The following KCNIP4 variants were observed in gnomAD, a reference collection of about 807,000 sequenced individuals.
The protein encoded by KCNIP4 is potassium voltage-gated channel interacting protein 4.
Under a neutral mutation model 34.0 loss-of-function variants are expected in KCNIP4, and 12 were observed. The observed-to-expected ratio is 0.35, with a 90% CI of 0.23 to 0.57. The LOEUF is 0.57. Among genes scored for constraint, KCNIP4 ranks in the 20% least tolerant of loss-of-function variants. The pLI is 0.83. For missense variants in KCNIP4, 238 were observed against 311.7 expected (o/e 0.76, Z 1.78); for synonymous variants, 124 against 102.2 (o/e 1.21, Z -1.29).
chr4:21,902,483 T>C (rs983261738), intron 1 of KCNIP4, among the ~76,000 whole-genome samples: 3 of 151,974 alleles, frequency 2.0e-5, no homozygotes, highest in African/African-American at 4.8e-5. Context: ...GGAGCCCTTA[T>C]GTAAGATGAG....
intron 1 of KCNIP4, among the ~76,000 whole-genome samples, chr4:21,823,779 T>C (rs944309092): frequency 6.6e-6 from 1 of 152,142 alleles, no homozygotes; most frequent in Non-Finnish European, 1.5e-5. Context: ...GAGATTCTAA[T>C]TCTAAAAACA....
chr4:21,577,279 T>G (rs1191182550), intron 1 of KCNIP4, among the ~76,000 whole-genome samples: 1 of 152,140 alleles, frequency 6.6e-6, no homozygotes, highest in South Asian at 2.1e-4. Flanking sequence ...GGCTGCAGAT[T>G]GCAAGACACC....
In KCNIP4 at chr4:20,729,924, C is replaced by T; in HGVS notation, c.*158G>A. The T allele has an allele frequency of 2.5e-6, 2 of 796,212 alleles. No homozygotes were observed. The highest frequency in any genetic ancestry group is 3.4e-5 in the South Asian group (1 of 29,630). The allele number at this position is 796,212 out of a possible 1,614,324, so 49.3% of individuals were successfully genotyped here. A position where few individuals can be genotyped will look rare whatever the true frequency, so the allele number is the denominator to read the frequency against. ...GGATGCAAATTTATAACTGAAAGCT[C>T]AAATCTTTTGGGGATTGCTTTATAT... is the stretch of plus-strand genomic sequence containing the variant. On this transcript the variant is annotated 3_prime_UTR_variant, in exon 9 of 9. Transcript: ENST00000382152.
At position 20,781,790 on chromosome 4, in the gene KCNIP4, C is replaced by T. The variant is rs527332846; in HGVS notation, c.289-22900G>A. On this transcript the variant is annotated intron_variant, in intron 3 of 8. Transcript: ENST00000382152. ...TTCAATCCCTGGCCCCTCCAAATCT[C>T]ATGTCCTCACATTTCAAAACCAATC... 1.2e-4 allele frequency among the ~76,000 whole-genome samples: 18 copies of T among 152,262 alleles called. No homozygotes were observed. The East Asian group carries it at 2.9e-3, about 25-fold the overall frequency.
intron 1 of KCNIP4, among the ~76,000 whole-genome samples, chr4:21,032,167 C>A (rs1300707588): frequency 1.3e-5 from 2 of 152,122 alleles, no homozygotes; most frequent in Non-Finnish European, 2.9e-5. Flanking sequence ...CGCTCACTCA[C>A]ATAGCTTCTC....
At chr4:21,016,303 T>C (rs1445989636) in intron 1 of KCNIP4, among the ~76,000 whole-genome samples, 2 of 148,570 alleles carry the variant, frequency 1.3e-5, no homozygotes, top group Non-Finnish European at 3.0e-5. Context: ...TTTTCTTTTT[T>C]CTTTTTTTTT....
intron 1 of KCNIP4, among the ~76,000 whole-genome samples, chr4:21,225,926 C>T (rs1758347666): frequency 6.6e-6 from 1 of 152,072 alleles, no homozygotes; most frequent in Non-Finnish European, 1.5e-5. Context: ...TATCAAGTCT[C>T]TTCCCCCTGC....
chr4:21,642,110 T>C (rs1048948106), intron 1 of KCNIP4, among the ~76,000 whole-genome samples: 1 of 152,200 alleles, frequency 6.6e-6, no homozygotes, highest in African/African-American at 2.4e-5. Context: ...TGCCCTGCCA[T>C]AGCATTCCAC....
At chr4:21,380,005 A>G (rs1199627749) in intron 1 of KCNIP4, among the ~76,000 whole-genome samples, 1 of 152,140 alleles carries the variant, frequency 6.6e-6, no homozygotes, top group African/African-American at 2.4e-5. Context: ...AGAACAGAGG[A>G]ATTTTCTTAC....
At position 21,197,227 on chromosome 4, in the gene KCNIP4, A is replaced by C. The variant is rs544644023; in HGVS notation, c.62-314518T>G. Among the ~76,000 whole-genome samples, 462 of 152,288 alleles carry C rather than the reference A, an allele frequency of 3.0e-3. 2 individuals carry two copies. The highest frequency in any genetic ancestry group is 5.0e-3 in the Non-Finnish European group (339 of 68,018). ...TTAACTATTGCGAACATTCTTGCACATATCTTTTGATAGATATATGCACTA... is the reference window on the plus strand; with the variant it reads ...TTAACTATTGCGAACATTCTTGCACCTATCTTTTGATAGATATATGCACTA... On this transcript the variant is annotated intron_variant, in intron 1 of 8. Coordinates refer to ENST00000382152, the MANE Select transcript of KCNIP4 (RefSeq NM_025221.6).
At chr4:21,352,779 T>C (rs936345529) in intron 1 of KCNIP4, among the ~76,000 whole-genome samples, 1 of 152,202 alleles carries the variant, frequency 6.6e-6, no homozygotes, top group Admixed American at 6.5e-5. Context: ...GCAGTGGTTC[T>C]CCCAGCACAG....
intron 1 of KCNIP4, among the ~76,000 whole-genome samples, chr4:20,897,245 C>G (rs1726647258): frequency 6.6e-6 from 1 of 152,030 alleles, no homozygotes; most frequent in Non-Finnish European, 1.5e-5. Flanking sequence ...ACCCACCGCC[C>G]CTAAATCTCA....
chr4:21,184,535 G>A (rs1180549183), intron 1 of KCNIP4, among the ~76,000 whole-genome samples: 1 of 152,150 alleles, frequency 6.6e-6, no homozygotes, highest in Admixed American at 6.6e-5. Flanking sequence ...GAAGACGAGA[G>A]ATGGGAGGGG....
chr4:21,628,052 T>C (rs1213995758), intron 1 of KCNIP4, among the ~76,000 whole-genome samples: 1 of 152,152 alleles, frequency 6.6e-6, no homozygotes, highest in Non-Finnish European at 1.5e-5. Flanking sequence ...TACATAATAA[T>C]GCTATATATT....
At chr4:21,425,985 G>A (rs1443171953) in intron 1 of KCNIP4, among the ~76,000 whole-genome samples, 1 of 152,078 alleles carries the variant, frequency 6.6e-6, no homozygotes, top group African/African-American at 2.4e-5. Flanking sequence ...GCAGGGGAGG[G>A]AGAGGTTGCA....
chr4:21,737,501 T>A (rs1480171365), intron 1 of KCNIP4, among the ~76,000 whole-genome samples: 2 of 152,138 alleles, frequency 1.3e-5, no homozygotes, highest in Non-Finnish European at 2.9e-5. Flanking sequence ...TTGACAAATT[T>A]TTAAAAATGA....
At chr4:21,880,219 A>G (rs1486898396) in intron 1 of KCNIP4, among the ~76,000 whole-genome samples, 1 of 152,184 alleles carries the variant, frequency 6.6e-6, no homozygotes, top group Non-Finnish European at 1.5e-5. Flanking sequence ...TTGACCAAAA[A>G]TGTTTCATCA....
intron 1 of KCNIP4, among the ~76,000 whole-genome samples, chr4:21,041,026 A>G (rs1427751106): frequency 6.6e-6 from 1 of 151,764 alleles, no homozygotes; most frequent in Non-Finnish European, 1.5e-5. Flanking sequence ...TTATTGGTGC[A>G]GTTTGTCTTC....
At chr4:21,184,471 G>A (rs1349806976) in intron 1 of KCNIP4, among the ~76,000 whole-genome samples, 1 of 152,134 alleles carries the variant, frequency 6.6e-6, no homozygotes, top group East Asian at 1.9e-4. Context: ...CAGGGGACTA[G>A]ATCTGAAAAA....
Sources: gnomAD v4.1 joint callset for allele counts (sites outside exome capture counted in the v4.1 genomes callset) on GRCh38, gnomAD v4.1.1 for gene constraint, MANE v1.5 for transcripts, NCBI Gene and HGNC (gene_info 2026-07-23, HGNC 2026-07-21) for gene names.